The following CIB4 variants were observed in gnomAD, a reference collection of about 807,000 sequenced individuals.
CIB4 encodes the protein calcium and integrin binding family member 4, also known as calcium and integrin-binding family member 4.
Under a neutral mutation model 25.8 loss-of-function variants are expected in CIB4, and 25 were observed. The observed-to-expected ratio is 0.97, with a 90% CI of 0.71 to 1.35. The LOEUF (loss-of-function observed/expected upper bound fraction) is 1.35, where lower values mean the gene tolerates loss of function less well. Among genes scored for constraint, CIB4 ranks in the 40% most tolerant of loss-of-function variants. The pLI is 0.00. For missense variants in CIB4, 235 were observed against 228.2 expected (o/e 1.03, Z -0.19); for synonymous variants, 75 against 81.4 (o/e 0.92, Z 0.42).
At chr2:26,591,221 G>T (rs1415702049) in intron 4 of CIB4, among the ~76,000 whole-genome samples, 1 of 152,220 alleles carries the variant, frequency 6.6e-6, no homozygotes, top group East Asian at 1.9e-4. Context: ...CTTTTTGGCT[G>T]CAGGTGATTG....
chr2:26,604,118 G>T (rs1287336264), intron 3 of CIB4, among the ~76,000 whole-genome samples: 1 of 152,030 alleles, frequency 6.6e-6, no homozygotes, highest in Non-Finnish European at 1.5e-5. Context: ...GGTGGTTCAT[G>T]CCTGGAATCC....
At chr2:26,629,328 A>ACCCCC in intron 3 of CIB4, 82 bp downstream of exon 3, 1 of 874,288 alleles carries the variant, frequency 1.1e-6, no homozygotes, top group Non-Finnish European at 1.8e-6. Flanking sequence ...TGCCCACCTC[A>ACCCCC]CCCCACCCCT....
chr2:26,585,189 G>A (rs543558075), intron 4 of CIB4, among the ~76,000 whole-genome samples: 188 of 151,998 alleles, frequency 1.2e-3, no homozygotes, highest in African/African-American at 4.4e-3. Context: ...GGGACGGTGG[G>A]TGGAGGAGGT....
intron 2 of CIB4, among the ~76,000 whole-genome samples, chr2:26,630,541 T>C (rs1308027201): frequency 6.6e-6 from 1 of 152,184 alleles, no homozygotes; most frequent in African/African-American, 2.4e-5. Context: ...TGTGTGTTTA[T>C]GTATAAATGG....
rs746529808 is a variant in CIB4 at position 26,623,608 on chromosome 2, C to G, written c.186+5802G>C. On this transcript the variant is annotated intron_variant, in intron 3 of 6. Coordinates refer to ENST00000288861, the MANE Select transcript of CIB4 (RefSeq NM_001029881.3). ...ACCTTAGGGGCCATCCTGACCATAC[C>G]TCCCTACACCTTGGGCAGGTTTCCA... 46 of 469,806 alleles carry G rather than the reference C, an allele frequency of 9.8e-5. No homozygotes were observed. In the Admixed American group the frequency reaches 1.1e-3, roughly 11 times the overall value. 29.1% of individuals were successfully genotyped at this position (469,806 alleles called of 1,614,324 possible).
intron 3 of CIB4, among the ~76,000 whole-genome samples, chr2:26,606,171 G>A (rs1318262997): frequency 1.3e-5 from 2 of 152,244 alleles, no homozygotes; most frequent in Non-Finnish European, 2.9e-5. Flanking sequence ...ACTGCGCTGA[G>A]TCCTGGGGCC....
rs1370295922 is a variant in CIB4, at chr2:26,627,950, G to A, written c.186+1460C>T. On this transcript the variant is annotated intron_variant, in intron 3 of 6. Transcript: ENST00000288861. This position sits in a 1 kb window ranked among gnomAD's most constrained non-coding sequence, Gnocchi z 4.0. Reference sequence around the variant, plus strand: ...CTCCATGTCCCTTCCTCAGGAGCCAGCCTCCTCCTCCCTGGTATCCCCAGG... The same window carrying A: ...CTCCATGTCCCTTCCTCAGGAGCCAACCTCCTCCTCCCTGGTATCCCCAGG... 2.6e-5 allele frequency among the ~76,000 whole-genome samples: 4 copies of A among 152,162 alleles called. No homozygotes were observed. In the East Asian group the frequency reaches 7.7e-4, roughly 29 times the overall value.
chr2:26,620,229 G>A (rs1484652966), intron 3 of CIB4, among the ~76,000 whole-genome samples: 1 of 152,162 alleles, frequency 6.6e-6, no homozygotes, highest in East Asian at 1.9e-4. Flanking sequence ...CCACAGCGGG[G>A]AAGGTGACAC....
chr2:26,582,126 T>G (rs995608471), intron 6 of CIB4, among the ~76,000 whole-genome samples: 1 of 152,214 alleles, frequency 6.6e-6, no homozygotes, highest in African/African-American at 2.4e-5. Context: ...CTCTTTGCTC[T>G]GTTTCCCTTA....
intron 3 of CIB4, among the ~76,000 whole-genome samples, chr2:26,625,505 A>G (rs1669286278): frequency 6.6e-6 from 1 of 152,158 alleles, no homozygotes; most frequent in Non-Finnish European, 1.5e-5. Context: ...GGCATGTGCC[A>G]CCATGCCCGG....
At chr2:26,617,048 C>T (rs1215087411) in intron 3 of CIB4, among the ~76,000 whole-genome samples, 1 of 151,834 alleles carries the variant, frequency 6.6e-6, no homozygotes, top group Non-Finnish European at 1.5e-5. Flanking sequence ...ACTGCTCTAC[C>T]CATTTTACAG....
At chr2:26,589,043 T>G (rs1443240193) in intron 4 of CIB4, among the ~76,000 whole-genome samples, 2 of 50,868 alleles carry the variant, frequency 3.9e-5, no homozygotes, top group East Asian at 1.1e-3. Flanking sequence ...TTCTTCTTCT[T>G]CTTCTTCTTC....
intron 3 of CIB4, among the ~76,000 whole-genome samples, chr2:26,602,799 C>T (rs1000791235): frequency 3.0e-4 from 46 of 152,152 alleles, no homozygotes; most frequent in South Asian, 6.2e-4. Flanking sequence ...CAGTGGCTCA[C>T]GCCTGTAATC....
intron 3 of CIB4, among the ~76,000 whole-genome samples, chr2:26,613,042 T>TC (rs1351089727): frequency 6.6e-6 from 1 of 152,176 alleles, no homozygotes; most frequent in African/African-American, 2.4e-5. Context: ...GAGGATCCTT[T>TC]CCCCAAGGCC....
chr2:26,599,316 G>C (rs1348863850), intron 3 of CIB4, among the ~76,000 whole-genome samples: 1 of 152,142 alleles, frequency 6.6e-6, no homozygotes, highest in Non-Finnish European at 1.5e-5. Context: ...CAAATTCTGG[G>C]AGTTTTTTTG....
At chr2:26,598,451 T>C (rs1401849412) in intron 3 of CIB4, among the ~76,000 whole-genome samples, 2 of 152,118 alleles carry the variant, frequency 1.3e-5, no homozygotes, top group African/African-American at 2.4e-5. Context: ...GACCAGAGGC[T>C]GCAGAAGAGA....
At chr2:26,617,145 T>TGTGTGTGTGTGCGTGC (rs1381689008) in intron 3 of CIB4, among the ~76,000 whole-genome samples, 9 of 139,026 alleles carry the variant, frequency 6.5e-5, no homozygotes, top group African/African-American at 2.3e-4. Flanking sequence ...TGTGTGTGTG[T>TGTGTGTGTGTGCGTGC]GTGCACGTGA....
intron 3 of CIB4, among the ~76,000 whole-genome samples, chr2:26,625,361 T>C (rs1268297544): frequency 6.6e-6 from 1 of 150,466 alleles, no homozygotes; most frequent in Non-Finnish European, 1.5e-5. Context: ...TTTTTTTTTT[T>C]TTTTTTTTGA....
chr2:26,595,291 G>A lies in CIB4; in HGVS notation c.213C>T (p.Cys71=). ...ACATGCCTTTGTGGGAGAACACTCT[G>A]CAGATACGGTCTCTGAAAGGGTTGA... is the stretch of plus-strand genomic sequence containing the variant. ...LRVNPFRDRI[C]RVFSHKGMFS... Residue 71 remains cysteine, a synonymous_variant, in exon 4 of 7, where the codon TGC becomes TGT. Transcript: ENST00000288861. The A allele has an allele frequency of 1.9e-6, 3 of 1,614,040 alleles. No individual in the cohort carries two copies. Among genetic ancestry groups the A allele is most frequent in the South Asian group, 1.1e-5 (1 of 91,076 alleles).
Sources: gnomAD v4.1 joint callset for allele counts (sites outside exome capture counted in the v4.1 genomes callset) on GRCh38, gnomAD v4.1.1 for gene constraint, Gnocchi (gnomAD v3.1) non-coding constraint, MANE v1.5 for transcripts, NCBI Gene and HGNC (gene_info 2026-07-23, HGNC 2026-07-21) for gene names.